Variants in XYLT1 observed in about 807,000 individuals in gnomAD.
XYLT1 encodes the protein xylosyltransferase 1, also known as beta-D-xylosyltransferase 1.
Under a neutral mutation model 91.3 loss-of-function variants are expected in XYLT1, and 36 were observed. The observed-to-expected ratio is 0.39, with a 90% confidence interval of 0.30 to 0.52. The LOEUF (loss-of-function observed/expected upper bound fraction) is 0.52. XYLT1 is among the 20% of genes least tolerant of loss of function. The pLI is 0.68. For synonymous variants in XYLT1, 588 were observed against 532.0 expected, an observed-to-expected ratio of 1.11 and a Z score of -1.45; for missense variants, 1,242 against 1,284.5, an observed-to-expected ratio of 0.97 and a Z score of 0.51.
chr16:17,333,700 GC>G (rs946077593), intron 2 of XYLT1, among the ~76,000 whole-genome samples: 2 of 149,804 alleles, frequency 1.3e-5, no homozygotes, highest in Non-Finnish European at 3.0e-5. Context: ...CAATTCTCCT[GC>G]CCCGGCCTCC....
intron 1 of XYLT1, among the ~76,000 whole-genome samples, chr16:17,407,847 G>A (rs2036053917): frequency 1.3e-5 from 2 of 152,352 alleles, no homozygotes; most frequent in Admixed American, 1.3e-4. Context: ...AATGGGAGGT[G>A]TTTGGGTTTT....
chr16:17,431,265 A>T (rs917530800), intron 1 of XYLT1, among the ~76,000 whole-genome samples: 1 of 152,138 alleles, frequency 6.6e-6, no homozygotes, highest in Non-Finnish European at 1.5e-5. Context: ...TATGGCTTAG[A>T]GCGGCGCTTC....
intron 1 of XYLT1, among the ~76,000 whole-genome samples, chr16:17,372,682 G>C (rs2035551551): frequency 6.6e-6 from 1 of 152,218 alleles, no homozygotes; most frequent in Non-Finnish European, 1.5e-5. Flanking sequence ...GCATAGAATA[G>C]TGGCTAAGAA....
At chr16:17,142,137 C>T (rs2030996013) in intron 6 of XYLT1, among the ~76,000 whole-genome samples, 2 of 152,164 alleles carry the variant, frequency 1.3e-5, no homozygotes, top group Admixed American at 1.3e-4. Context: ...GAACTTCTGG[C>T]TTCAGGCTCC....
chr16:17,379,763 TCACACACACACACA>T (rs71137987), intron 1 of XYLT1, among the ~76,000 whole-genome samples: 1 of 125,546 alleles, frequency 8.0e-6, no homozygotes, highest in African/African-American at 3.2e-5. Context: ...TCTCTCTCTC[TCACACACACACACA>T]CACACACACA....
rs1164558348 is a variant in XYLT1, at chr16:17,379,755, T to TCA, written c.364-21706_364-21705insTG. Among the ~76,000 whole-genome samples, 438 of 130,362 alleles carry TCA rather than the reference T, an allele frequency of 3.4e-3. 2 individuals carry two copies. Among genetic ancestry groups the TCA allele is most frequent in the African/African-American group, 0.01 (316 of 30,828 alleles). 85.5% of individuals were successfully genotyped at this position (130,362 alleles called of 152,430 possible). The stretch of plus-strand genomic sequence containing the variant: ...CTCTCTCTCTCTCTCTCTCTCTCTC[T>TCA]CTCTCTCTCACACACACACACACAC... On this transcript the variant is annotated intron_variant, in intron 1 of 11. Coordinates refer to ENST00000261381, the MANE Select transcript of XYLT1 (RefSeq NM_022166.4).
intron 1 of XYLT1, among the ~76,000 whole-genome samples, chr16:17,400,664 G>GAAGC (rs1032774670): frequency 2.3e-5 from 3 of 129,246 alleles, no homozygotes; most frequent in African/African-American, 9.1e-5. Context: ...AGGAAGGAAG[G>GAAGC]AAGGAAGGAA....
At chr16:17,149,828 G>C (rs1434837699) in intron 6 of XYLT1, among the ~76,000 whole-genome samples, 1 of 152,194 alleles carries the variant, frequency 6.6e-6, no homozygotes, top group Non-Finnish European at 1.5e-5. Flanking sequence ...AGGGGAAATG[G>C]TGATCATAAT....
intron 2 of XYLT1, among the ~76,000 whole-genome samples, chr16:17,265,149 T>C (rs368513206): frequency 2.6e-5 from 4 of 152,206 alleles, no homozygotes; most frequent in African/African-American, 9.6e-5. Flanking sequence ...GATCGTGCCC[T>C]GCACTGCAGC....
chr16:17,194,491 G>A (rs1021214718), intron 5 of XYLT1, among the ~76,000 whole-genome samples: 1 of 152,242 alleles, frequency 6.6e-6, no homozygotes, highest in African/African-American at 2.4e-5. Flanking sequence ...GGAATCCAGA[G>A]AAGGAAGAAT....
intron 5 of XYLT1, among the ~76,000 whole-genome samples, chr16:17,170,404 G>A (rs567579654): frequency 4.6e-5 from 7 of 152,314 alleles, no homozygotes; most frequent in East Asian, 1.9e-4. Context: ...GAACATGACA[G>A]GTTCCATCAG....
At chr16:17,229,429 C>T (rs185099112) in intron 3 of XYLT1, among the ~76,000 whole-genome samples, 50 of 152,306 alleles carry the variant, frequency 3.3e-4, no homozygotes, top group Non-Finnish European at 3.2e-4. Context: ...CCTCTGATCT[C>T]TATCAGACCA....
chr16:17,410,947 C>T (rs1375097749), intron 1 of XYLT1, among the ~76,000 whole-genome samples: 3 of 152,148 alleles, frequency 2.0e-5, no homozygotes, highest in Non-Finnish European at 4.4e-5. Flanking sequence ...CAGCAGCCTG[C>T]CATTACTTTC....
intron 2 of XYLT1, among the ~76,000 whole-genome samples, chr16:17,345,746 T>C (rs2035135179): frequency 6.6e-6 from 1 of 152,232 alleles, no homozygotes; most frequent in African/African-American, 2.4e-5. Context: ...TTAATGCACG[T>C]TAACCCATCT....
chr16:17,192,997 G>A (rs1454651723), intron 5 of XYLT1: 1 of 151,776 alleles, frequency 6.6e-6, no homozygotes, highest in Admixed American at 6.6e-5. Flanking sequence ...ATTTTTAGTT[G>A]AGTCGGGGTT....
intron 2 of XYLT1, among the ~76,000 whole-genome samples, chr16:17,308,595 G>A (rs181729713): frequency 2.0e-5 from 3 of 152,172 alleles, no homozygotes; most frequent in East Asian, 3.9e-4. Context: ...AAGCTGGTTC[G>A]GTCCACACTT....
At chr16:17,223,533 T>C (rs890704066) in intron 3 of XYLT1, among the ~76,000 whole-genome samples, 1 of 152,258 alleles carries the variant, frequency 6.6e-6, no homozygotes, top group African/African-American at 2.4e-5. Flanking sequence ...CATGGACACC[T>C]GTGCATGCTT....
intron 3 of XYLT1, among the ~76,000 whole-genome samples, chr16:17,238,286 C>T (rs553081503): frequency 2.6e-5 from 4 of 152,332 alleles, no homozygotes; most frequent in African/African-American, 9.6e-5. Flanking sequence ...GAACAGGAGT[C>T]AGCAGACTTC....
chr16:17,178,349 G>A (rs1423902679), intron 5 of XYLT1, among the ~76,000 whole-genome samples: 4 of 152,294 alleles, frequency 2.6e-5, no homozygotes, highest in African/African-American at 9.6e-5. Flanking sequence ...TCAAGGCCTA[G>A]GGGAGGTAGA....
Sources: gnomAD v4.1 joint callset for allele counts (sites outside exome capture counted in the v4.1 genomes callset) on GRCh38, gnomAD v4.1.1 for gene constraint, MANE v1.5 for transcripts, NCBI Gene and HGNC (gene_info 2026-07-23, HGNC 2026-07-21) for gene names.